Variants in NCOA6 observed in about 807,000 individuals in gnomAD.
NCOA6 encodes nuclear receptor coactivator 6.
Under a neutral mutation model 171.4 loss-of-function variants are expected in NCOA6, and 49 were observed. The ratio of observed to expected loss-of-function variants is 0.29; its 90% CI spans 0.23 to 0.36. The LOEUF is 0.36. Among genes scored for constraint, NCOA6 ranks in the 10% least tolerant of loss-of-function variants. NCOA6 has a pLI of 1.00. For missense variants in NCOA6, 2,248 were observed against 2,554.5 expected, an observed-to-expected ratio of 0.88 and a Z score of 2.59; for synonymous variants, 910 against 927.5, an observed-to-expected ratio of 0.98 and a Z score of 0.34.
chr20:34,773,795 A>C (rs1235267223), intron 4 of NCOA6, among the ~76,000 whole-genome samples: 1 of 152,178 alleles, frequency 6.6e-6, no homozygotes, highest in Non-Finnish European at 1.5e-5. Flanking sequence ...AAGTGTTGGG[A>C]TTACAGGTGT....
At chr20:34,728,421 AT>A (rs1990227188) in intron 13 of NCOA6, among the ~76,000 whole-genome samples, 1 of 152,184 alleles carries the variant, frequency 6.6e-6, no homozygotes, top group African/African-American at 2.4e-5. Flanking sequence ...AAAGGAGGCA[AT>A]TTTGCTTCTT....
intron 1 of NCOA6, among the ~76,000 whole-genome samples, chr20:34,803,779 T>A (rs2078340198): frequency 6.6e-6 from 1 of 151,930 alleles, no homozygotes; most frequent in African/African-American, 2.4e-5. Context: ...GCGGATCACT[T>A]GAGGTCAGGA....
chr20:34,802,205 G>A (rs1568876522), intron 1 of NCOA6, among the ~76,000 whole-genome samples: 2 of 152,120 alleles, frequency 1.3e-5, no homozygotes, highest in South Asian at 2.1e-4. Context: ...GGTGGCTCAC[G>A]CCTATAATCC....
intron 4 of NCOA6, among the ~76,000 whole-genome samples, chr20:34,772,706 G>T (rs1441887037): frequency 6.6e-6 from 1 of 151,694 alleles, no homozygotes. Flanking sequence ...CTGCCATTAT[G>T]GTGGGCACAG....
chr20:34,807,815 G>A (rs895815307), intron 1 of NCOA6, among the ~76,000 whole-genome samples: 6 of 148,828 alleles, frequency 4.0e-5, no homozygotes, highest in Non-Finnish European at 7.4e-5. Flanking sequence ...ATGAGCCACC[G>A]TGCCCGGCCT....
At chr20:34,772,417 T>C (rs2077179392) in intron 4 of NCOA6, among the ~76,000 whole-genome samples, 1 of 152,176 alleles carries the variant, frequency 6.6e-6, no homozygotes, top group Non-Finnish European at 1.5e-5. Flanking sequence ...AGATGCTCAT[T>C]AGCTATTTAT....
At chr20:34,793,204 T>C (rs1025950535) in intron 1 of NCOA6, among the ~76,000 whole-genome samples, 10 of 152,168 alleles carry the variant, frequency 6.6e-5, no homozygotes, top group Non-Finnish European at 5.9e-5. Context: ...TAGAGCCCTC[T>C]CTATACCTTC....
At chr20:34,744,704 T>C (rs1184945963) in intron 10 of NCOA6, among the ~76,000 whole-genome samples, 1 of 152,204 alleles carries the variant, frequency 6.6e-6, no homozygotes, top group Non-Finnish European at 1.5e-5. Context: ...CCGAGTAACT[T>C]CTTCACCTTT....
rs1209929061 is a variant in NCOA6 at position 34,749,707 on chromosome 20, G to C, written c.2488C>G (p.Pro830Ala). The change falls in exon 9 of 15, where the codon CCC becomes GCC. Residue 830 changes from proline (P) to alanine (A), a missense_variant. Pro to Ala is a conservative substitution (Grantham distance 27, BLOSUM62 -1). This residue lies in a region of NCOA6 where 987 missense variants were observed against 1,104.7 expected (regional missense o/e 0.89). Transcript: ENST00000359003. Reference sequence around the variant, plus strand: ...CCCTGCATGGCCTGCACATGAGGGGGGACCATGTTGGTTTGTTGAATGCTA... The same window carrying C: ...CCCTGCATGGCCTGCACATGAGGGGCGACCATGTTGGTTTGTTGAATGCTA... ...DVSIQQTNMV[P>A]PHVQAMQGNS... 2 of 1,614,180 alleles carry C rather than the reference G, an allele frequency of 1.2e-6. No homozygotes were observed. The highest frequency in any genetic ancestry group is 1.7e-6 in the Non-Finnish European group (2 of 1,180,030).
Position 34,782,419 on chromosome 20 carries a change from T to C in NCOA6, c.-49-15A>G, listed in dbSNP as rs1568844806. ...TAAGAAAACTTCTGAAAAGAGAAGATGCAAAAGAGCATTACAATGCATAGT... is the reference window on the plus strand; with the variant it reads ...TAAGAAAACTTCTGAAAAGAGAAGACGCAAAAGAGCATTACAATGCATAGT... On this transcript the variant is annotated splice_polypyrimidine_tract_variant and intron_variant, in intron 2 of 14. Transcript: ENST00000359003. 6 of 967,010 alleles carry C rather than the reference T, an allele frequency of 6.2e-6. No individual in the cohort carries two copies. Among genetic ancestry groups the C allele is most frequent in the East Asian group, 2.5e-5 (1 of 40,386 alleles). 59.9% of individuals were successfully genotyped at this position (967,010 alleles called of 1,614,324 possible).
intron 4 of NCOA6, among the ~76,000 whole-genome samples, chr20:34,772,431 A>G (rs2077179647): frequency 6.6e-6 from 1 of 152,198 alleles, no homozygotes. Flanking sequence ...TATTTATTAA[A>G]TATAATGGTC....
intron 14 of NCOA6, among the ~76,000 whole-genome samples, chr20:34,717,704 G>A (rs1988777874): frequency 6.6e-6 from 1 of 152,156 alleles, no homozygotes; most frequent in Non-Finnish European, 1.5e-5. Context: ...GTAAATTAAA[G>A]AGTCTCACAC....
chr20:34,727,398 G>T lies in NCOA6; in HGVS notation c.6009C>A (p.Pro2003=). 6.2e-7 allele frequency: 1 copy of T among 1,613,596 alleles called. No individual in the cohort carries two copies. Among genetic ancestry groups the T allele is most frequent in the South Asian group, 1.1e-5 (1 of 91,042 alleles). The part of the protein sequence containing the change: ...AAIVSGQSSE[P]KEIVEKSKIP... ...TTTTGGACTTTTCAACTATCTCTTT[G>T]GGCTCACTGCTGACAGAGGGAAGCA... is the stretch of plus-strand genomic sequence containing the variant. The change falls in exon 14 of 15, where the codon CCC becomes CCA. Residue 2003 remains proline (P), a synonymous_variant. Transcript: ENST00000359003.
chr20:34,766,749 G>A (rs2076995357), intron 5 of NCOA6, among the ~76,000 whole-genome samples: 1 of 152,172 alleles, frequency 6.6e-6, no homozygotes, highest in Admixed American at 6.5e-5. Flanking sequence ...TAGGCAACTA[G>A]AGTCAGTACA....
chr20:34,761,650 GGTTTT>G (rs1387271508), intron 5 of NCOA6, among the ~76,000 whole-genome samples: 5 of 151,942 alleles, frequency 3.3e-5, no homozygotes, highest in African/African-American at 7.3e-5. Flanking sequence ...ATGACTGCAT[GGTTTT>G]GTTTTGTTTT....
At chr20:34,772,849 G>C (rs1003698530) in intron 4 of NCOA6, among the ~76,000 whole-genome samples, 4 of 152,104 alleles carry the variant, frequency 2.6e-5, no homozygotes, top group Non-Finnish European at 4.4e-5. Context: ...CAACAGCTGA[G>C]TGAAAAGCTT....
intron 2 of NCOA6, among the ~76,000 whole-genome samples, chr20:34,783,072 A>G (rs1013740957): frequency 3.9e-5 from 6 of 152,212 alleles, no homozygotes; most frequent in Non-Finnish European, 8.8e-5. Context: ...ACTTGAGGTC[A>G]GGAGTTTGAG....
intron 10 of NCOA6, 92 bp downstream of exon 10, chr20:34,746,710 GATAAA>G (rs1213387671): frequency 7.4e-7 from 1 of 1,344,764 alleles, no homozygotes; most frequent in African/African-American, 1.5e-5. Context: ...CTAGTTAGCA[GATAAA>G]ATAAAATACT....
chr20:34,760,638 G>T (rs1000522127), intron 5 of NCOA6, among the ~76,000 whole-genome samples: 1 of 152,088 alleles, frequency 6.6e-6, no homozygotes, highest in Non-Finnish European at 1.5e-5. Flanking sequence ...TTGATTTACA[G>T]GGAAACAGAT....
Sources: allele counts gnomAD v4.1 joint callset (sites outside exome capture counted in the v4.1 genomes callset), GRCh38; gene constraint gnomAD v4.1.1; regional missense constraint gnomAD v4.1.1; transcripts MANE v1.5; gene names NCBI Gene and HGNC (gene_info 2026-07-23, HGNC 2026-07-21).